The following CDHR2 variants were observed in gnomAD, a reference collection of about 807,000 sequenced individuals.
The protein encoded by CDHR2 is cadherin-related family member 2.
A neutral mutation model predicts 138.6 loss-of-function variants in CDHR2; 104 were observed. The ratio of observed to expected loss-of-function variants is 0.75; its 90% CI spans 0.64 to 0.88. CDHR2 has a LOEUF of 0.88. Ranked by LOEUF, CDHR2 falls within the 40% of genes least tolerant of loss-of-function variation. CDHR2 has a pLI of 0.00. For missense variants in CDHR2, 1,624 were observed against 1,727.6 expected, an observed-to-expected ratio of 0.94 and a Z score of 1.06; for synonymous variants, 755 against 742.8, an observed-to-expected ratio of 1.02 and a Z score of -0.27.
At chr5:176,557,620 C>T (rs1757864917) in intron 1 of CDHR2, among the ~76,000 whole-genome samples, 1 of 138,388 alleles carries the variant, frequency 7.2e-6, no homozygotes, top group Non-Finnish European at 1.5e-5. Context: ...GGCTGGAGTG[C>T]AGTGACGAAA....
At chr5:176,588,226 A>G (rs185048385) in intron 21 of CDHR2, among the ~76,000 whole-genome samples, 178 of 151,648 alleles carry the variant, frequency 1.2e-3, no homozygotes, top group Non-Finnish European at 1.3e-3. Context: ...CTAAGTGTGA[A>G]TGTGTGTGCC....
At chr5:176,592,517 AGTG>A (rs142561887) in intron 30 of CDHR2, among the ~76,000 whole-genome samples, 2 of 100,054 alleles carry the variant, frequency 2.0e-5, no homozygotes, top group Admixed American at 1.0e-4. Flanking sequence ...TTATGATGAT[AGTG>A]GTGGTGGTGG....
intron 16 of CDHR2, 26 bp from the exon 17 acceptor site, chr5:176,581,317 T>C (rs1398243806): frequency 2.5e-6 from 4 of 1,609,564 alleles, no homozygotes; most frequent in Non-Finnish European, 2.5e-6. Flanking sequence ...CGATGGCCGA[T>C]GACCAACCCC....
At chr5:176,560,167 C>T (rs1757933575) in intron 1 of CDHR2, among the ~76,000 whole-genome samples, 1 of 152,148 alleles carries the variant, frequency 6.6e-6, no homozygotes, top group South Asian at 2.1e-4. Context: ...GAGACCGAGG[C>T]GGGCAGATTG....
chr5:176,561,814 A>G (rs1757974832), intron 1 of CDHR2, among the ~76,000 whole-genome samples: 1 of 151,694 alleles, frequency 6.6e-6, no homozygotes, highest in South Asian at 2.1e-4. Flanking sequence ...TAATTTTTGT[A>G]TTTTTAGTAG....
intron 1 of CDHR2, chr5:176,556,638 C>G (rs1431308259): frequency 6.6e-6 from 1 of 152,442 alleles, no homozygotes; most frequent in Non-Finnish European, 1.5e-5. Context: ...GCACTCCAGC[C>G]TGGGCGACAG....
At chr5:176,570,162 A>T (rs1368411669) in intron 5 of CDHR2, among the ~76,000 whole-genome samples, 2 of 152,118 alleles carry the variant, frequency 1.3e-5, no homozygotes, top group Non-Finnish European at 2.9e-5. Context: ...TTGCCCACTC[A>T]GCGATTGAGC....
intron 12 of CDHR2, 64 bp from the exon 13 acceptor site, chr5:176,577,335 T>G: frequency 6.5e-7 from 1 of 1,527,672 alleles, no homozygotes; most frequent in Non-Finnish European, 8.9e-7. Context: ...GCCTGGGGAC[T>G]GGGGGAAGAT....
Position 176,578,429 on chromosome 5 carries a change from G to C in CDHR2, c.1639G>C (p.Asp547His). The C allele has an allele frequency of 6.2e-7, 1 of 1,614,090 alleles. No individual in the cohort carries two copies. The highest frequency in any genetic ancestry group is 8.5e-7 in the Non-Finnish European group (1 of 1,180,014). Reference protein sequence around the residue: ...TVTVRNGELLDRESQAVYYLT... With the variant: ...TVTVRNGELLHRESQAVYYLT... ...GACGGTGAGGAACGGTGAGCTGCTG[G>C]ACCGGGAGAGCCAGGCCGTGTACTA... Residue 547 changes from aspartate to histidine, a missense_variant, in exon 16 of 32, where the codon GAC becomes CAC. Asp to His is a moderately conservative substitution (Grantham distance 81). Around this residue, in one of 3 missense-constraint regions of CDHR2, gnomAD observed 1,061 missense variants for 1,136.6 expected, o/e 0.93. Coordinates refer to ENST00000261944, the MANE Select transcript of CDHR2 (RefSeq NM_017675.6).
intron 21 of CDHR2, among the ~76,000 whole-genome samples, chr5:176,588,456 G>A (rs899850454): frequency 1.3e-4 from 17 of 134,334 alleles, no homozygotes; most frequent in South Asian, 9.5e-4. Flanking sequence ...AGTGTGAGAG[G>A]GTGTGTGAGT....
At chr5:176,571,772 G>A (rs928225084) in intron 6 of CDHR2, among the ~76,000 whole-genome samples, 3 of 152,006 alleles carry the variant, frequency 2.0e-5, no homozygotes, top group Admixed American at 6.6e-5. Flanking sequence ...TCCTGACCTC[G>A]TGATCCGCAC....
At chr5:176,577,378 C>A (rs1345983648) in intron 12 of CDHR2, 21 bp from the exon 13 acceptor site, 3 of 1,597,414 alleles carry the variant, frequency 1.9e-6, no homozygotes, top group African/African-American at 2.7e-5. Context: ...CAGGTCCCTG[C>A]TAGACAGCCC....
chr5:176,546,981 CTTTT>C (rs10719326), upstream of CDHR2, among the ~76,000 whole-genome samples: 5 of 136,276 alleles, frequency 3.7e-5, no homozygotes, highest in Non-Finnish European at 4.8e-5. Context: ...TCTTTTTGGT[CTTTT>C]TTTTTTTTTT....
At chr5:176,561,088 A>C (rs1035640617) in intron 1 of CDHR2, among the ~76,000 whole-genome samples, 1 of 152,218 alleles carries the variant, frequency 6.6e-6, no homozygotes, top group Non-Finnish European at 1.5e-5. Flanking sequence ...GAAGGGCAAG[A>C]GACAGACCGT....
chr5:176,563,243 G>A (rs1388115687), intron 1 of CDHR2, among the ~76,000 whole-genome samples: 3 of 152,160 alleles, frequency 2.0e-5, no homozygotes, highest in African/African-American at 7.2e-5. Flanking sequence ...AGCTACTCGG[G>A]AGGCTGAGGC....
chr5:176,569,408 C>G (rs1311735403), intron 5 of CDHR2, among the ~76,000 whole-genome samples: 1 of 151,676 alleles, frequency 6.6e-6, no homozygotes, highest in Non-Finnish European at 1.5e-5. Context: ...CTCAGCCTCC[C>G]GAGTAGCTGG....
In CDHR2 at chr5:176,592,787, T is replaced by C. The variant is rs1758921715; in HGVS notation, c.3792+7T>C. ...GAACAGTCAGGAAATCAAGGCAAGA[T>C]GGGGGATGAATTGGTGCCTGGAGGT... On this transcript the variant is annotated splice_region_variant and intron_variant, in intron 31 of 31. Coordinates refer to ENST00000261944, the MANE Select transcript of CDHR2 (RefSeq NM_017675.6). 6.2e-7 allele frequency: 1 copy of C among 1,613,392 alleles called. No homozygotes were observed. The highest frequency in any genetic ancestry group is 1.1e-5 in the South Asian group (1 of 91,066).
chr5:176,572,320 A>G (rs1758255286), intron 6 of CDHR2, among the ~76,000 whole-genome samples: 1 of 152,104 alleles, frequency 6.6e-6, no homozygotes, highest in South Asian at 2.1e-4. Context: ...CCTGGGAGGC[A>G]GAGGTTGCAG....
In CDHR2 at chr5:176,584,279, GGA is replaced by G; in HGVS notation, c.2128+25_2128+26del. ...ATCCAGGTATGTGCTCCCTGGGCCA[GGA>G]GAGACACTGCGGCTGGGACCCAGTG... On this transcript the variant is annotated intron_variant, in intron 18 of 31. Coordinates refer to ENST00000261944, the MANE Select transcript of CDHR2 (RefSeq NM_017675.6). The G allele has an allele frequency of 6.2e-7, 1 of 1,613,570 alleles. No homozygotes were observed. The highest frequency in any genetic ancestry group is 8.5e-7 in the Non-Finnish European group (1 of 1,179,458).
Sources: allele counts gnomAD v4.1 joint callset (sites outside exome capture counted in the v4.1 genomes callset), GRCh38; gene constraint gnomAD v4.1.1; regional missense constraint gnomAD v4.1.1; transcripts MANE v1.5; gene names NCBI Gene and HGNC (gene_info 2026-07-23, HGNC 2026-07-21).